Variants in KMT2C observed in about 807,000 individuals in gnomAD.
KMT2C encodes the protein histone-lysine N-methyltransferase 2C.
KMT2C carries 88 observed loss-of-function variants against 507.9 expected under a neutral mutation model. The ratio of observed to expected loss-of-function variants is 0.17; its 90% CI spans 0.15 to 0.21. The LOEUF is 0.21. Ranked by LOEUF, KMT2C falls within the 10% of genes least tolerant of loss-of-function variation. The pLI, the probability that KMT2C is intolerant of heterozygous loss-of-function variation, is 1.00. For missense variants in KMT2C, 4,954 were observed against 5,957.8 expected, an observed-to-expected ratio of 0.83 and a Z score of 5.55; for synonymous variants, 2,049 against 2,080.8, an observed-to-expected ratio of 0.98 and a Z score of 0.42.
intron 2 of KMT2C, among the ~76,000 whole-genome samples, chr7:152,346,062 C>G (rs1283309866): frequency 6.6e-6 from 1 of 152,110 alleles, no homozygotes; most frequent in African/African-American, 2.4e-5. Context: ...CCCAAGACAT[C>G]AGTGTGTCTA....
intron 6 of KMT2C, among the ~76,000 whole-genome samples, chr7:152,275,477 C>CA (rs2096065288): frequency 6.6e-6 from 1 of 152,128 alleles, no homozygotes; most frequent in African/African-American, 2.4e-5. Context: ...AACTCATAAA[C>CA]AGTAATTACT....
intron 6 of KMT2C, among the ~76,000 whole-genome samples, chr7:152,284,501 G>A (rs939530015): frequency 6.6e-6 from 1 of 152,046 alleles, no homozygotes; most frequent in African/African-American, 2.4e-5. Context: ...ACTGGGGCAA[G>A]CAAAGATTTT....
In KMT2C at chr7:152,155,926, T is replaced by G. The variant is rs757754324; in HGVS notation, c.11944A>C (p.Asn3982His). The G allele has an allele frequency of 1.9e-6, 3 of 1,596,590 alleles. No homozygotes were observed. The highest frequency in any genetic ancestry group is 2.6e-6 in the Non-Finnish European group (3 of 1,176,214). ...PASLPTPPHN[N>H]QEELRIQDHC... ...AACCTGTACCTTAATTCTTCCTGAT[T>G]GTTATGAGGTGGTGTTGGGAGGGAG... The change falls in exon 46 of 59, where the codon AAT becomes CAT. Residue 3982 changes from asparagine (N) to histidine (H), a missense_variant. Asn to His is a moderately conservative substitution (Grantham distance 68). Coordinates refer to ENST00000262189, the MANE Select transcript of KMT2C (RefSeq NM_170606.3).
chr7:152,273,184 T>G (rs1409780265), intron 7 of KMT2C, among the ~76,000 whole-genome samples: 2 of 152,170 alleles, frequency 1.3e-5, no homozygotes, highest in Non-Finnish European at 2.9e-5. Context: ...CAACTGCAGA[T>G]TACAGAAGAC....
chr7:152,241,885 C>T (rs2095393416), intron 14 of KMT2C, among the ~76,000 whole-genome samples: 1 of 152,046 alleles, frequency 6.6e-6, no homozygotes, highest in African/African-American at 2.4e-5. Flanking sequence ...ATGTATTATT[C>T]ATCATAATTT....
chr7:152,267,406 C>G (rs1410369869), intron 7 of KMT2C, among the ~76,000 whole-genome samples: 1 of 152,186 alleles, frequency 6.6e-6, no homozygotes. Context: ...AGGCAGAAAC[C>G]TTAGTATCAC....
At chr7:152,186,868 G>A (rs1029782469) in intron 33 of KMT2C, among the ~76,000 whole-genome samples, 3 of 152,096 alleles carry the variant, frequency 2.0e-5, no homozygotes, top group African/African-American at 7.2e-5. Context: ...GAGAGGGGAA[G>A]AAGGGAAGAC....
chr7:152,275,177 G>C (rs1181458100), intron 6 of KMT2C, among the ~76,000 whole-genome samples: 1 of 152,176 alleles, frequency 6.6e-6, no homozygotes, highest in Non-Finnish European at 1.5e-5. Flanking sequence ...ACTGTCATCA[G>C]TCTACTGCAC....
Position 152,248,605 on chromosome 7 carries a change from G to A in KMT2C, c.1829C>T (p.Thr610Ile), listed in dbSNP as rs1256942996. The A allele has an allele frequency of 3.1e-6, 5 of 1,607,786 alleles. No individual in the cohort carries two copies. The highest frequency in any genetic ancestry group is 4.3e-6 in the Non-Finnish European group (5 of 1,175,282). ...SLLIAVSSQH[T>I]VNTELEKQIS... is the part of the protein sequence containing the mutation. ...CTGTTTTTCCAATTCAGTATTCACT[G>A]TATGTTGGGATGATACTACAAAATT... Residue 610 changes from threonine to isoleucine, a missense_variant, in exon 14 of 59, where the codon ACA becomes ATA. Transcript: ENST00000262189.
intron 40 of KMT2C, 95 bp from the exon 41 acceptor site, chr7:152,169,344 G>T (rs2092860964): frequency 1.4e-6 from 1 of 699,380 alleles, no homozygotes; most frequent in Non-Finnish European, 2.5e-6. Context: ...AGAAATGGAA[G>T]AAAAAACCCT....
rs745427209 is a variant in KMT2C at position 152,201,617 on chromosome 7, GAAAAAAA to G, written c.4092+1310_4092+1316del. 9.0e-3 allele frequency among the ~76,000 whole-genome samples: 207 copies of G among 22,912 alleles called. 1 individual carries two copies. The highest frequency in any genetic ancestry group is 0.056 in the Middle Eastern group (1 of 18). The allele number at this position is 22,912 out of a possible 152,430, so 15.0% of individuals were successfully genotyped here. A position where few individuals can be genotyped will look rare whatever the true frequency, so the allele number is the denominator to read the frequency against. On this transcript the variant is annotated intron_variant, in intron 26 of 58. Transcript: ENST00000262189. ...CCCAGGAGAAAACAACAACAAAGAT[GAAAAAAA>G]AAAAAAAAAAAAAAAAAAAGGTAAG...
In KMT2C at chr7:152,190,751, C is replaced by A. The variant is rs553657957; in HGVS notation, c.4661-2904G>T. Among the ~76,000 whole-genome samples the A allele has an allele frequency of 2.0e-5, 3 of 152,268 alleles. No homozygotes were observed. In the East Asian group the frequency reaches 5.8e-4, roughly 29 times the overall value. On this transcript the variant is annotated intron_variant, in intron 31 of 58. Transcript: ENST00000262189. Reference sequence around the variant, plus strand: ...CTTTCTGAACTTTATTACCATCAGACAATAAAGCATATTACATATTACATA... The same window carrying A: ...CTTTCTGAACTTTATTACCATCAGAAAATAAAGCATATTACATATTACATA...
chr7:152,211,382 GA>G (rs896285295), intron 23 of KMT2C, among the ~76,000 whole-genome samples: 1 of 152,078 alleles, frequency 6.6e-6, no homozygotes, highest in African/African-American at 2.4e-5. Flanking sequence ...CAAATAGAGG[GA>G]AAAAATAAAG....
At chr7:152,312,611 T>C (rs2096682697) in intron 4 of KMT2C, among the ~76,000 whole-genome samples, 1 of 152,050 alleles carries the variant, frequency 6.6e-6, no homozygotes, top group African/African-American at 2.4e-5. Context: ...ACCAAAGGCA[T>C]GTAGAATAAG....
chr7:152,222,116 T>G (rs559542949), intron 21 of KMT2C, 50 bp from the exon 22 acceptor site: 32 of 1,230,068 alleles, frequency 2.6e-5, no homozygotes, highest in Admixed American at 1.9e-4. Flanking sequence ...AAAGGTAAAG[T>G]GTATTTAAAT....
intron 6 of KMT2C, among the ~76,000 whole-genome samples, chr7:152,279,975 C>A (rs2096173078): frequency 6.6e-6 from 1 of 152,302 alleles, no homozygotes; most frequent in South Asian, 2.1e-4. Flanking sequence ...AAGGATAATG[C>A]CATTAATATA....
intron 1 of KMT2C, among the ~76,000 whole-genome samples, chr7:152,375,871 G>A (rs1384696417): frequency 6.6e-6 from 1 of 152,082 alleles, no homozygotes; most frequent in East Asian, 1.9e-4. Flanking sequence ...CTGTCACCCA[G>A]GCTGGAGTGC....
At chr7:152,431,331 T>C (rs185319002) in intron 1 of KMT2C, among the ~76,000 whole-genome samples, 3 of 152,100 alleles carry the variant, frequency 2.0e-5, no homozygotes, top group Non-Finnish European at 4.4e-5. Context: ...AGGTGCGGTG[T>C]TTCATGTCTG....
intron 1 of KMT2C, among the ~76,000 whole-genome samples, chr7:152,428,883 C>A (rs543666098): frequency 6.6e-6 from 1 of 152,126 alleles, no homozygotes; most frequent in African/African-American, 2.4e-5. Context: ...TACCTGCTCC[C>A]TGTAAACAGT....
Sources: gnomAD v4.1 joint callset for allele counts (sites outside exome capture counted in the v4.1 genomes callset) on GRCh38, gnomAD v4.1.1 for gene constraint, MANE v1.5 for transcripts, NCBI Gene and HGNC (gene_info 2026-07-23, HGNC 2026-07-21) for gene names.